The following CYP27C1 variants were observed in gnomAD, a reference collection of about 807,000 sequenced individuals.
CYP27C1 encodes the protein cytochrome P450 family 27 subfamily C member 1.
Under a neutral mutation model 40.6 loss-of-function variants are expected in CYP27C1, and 29 were observed. That is an observed-to-expected ratio of 0.71 (90% CI 0.53 to 0.97). The LOEUF (loss-of-function observed/expected upper bound fraction) is 0.97. CYP27C1 is among the 50% of genes least tolerant of loss of function. The pLI is 0.00. For missense variants in CYP27C1, 390 were observed against 485.8 expected, an observed-to-expected ratio of 0.80 and a Z score of 1.85; for synonymous variants, 198 against 186.8, an observed-to-expected ratio of 1.06 and a Z score of -0.49.
At position 127,196,897 on chromosome 2, in the gene CYP27C1, G is replaced by C. The variant is rs1161817228; in HGVS notation, c.1048-1396C>G. 1.3e-5 allele frequency among the ~76,000 whole-genome samples: 2 copies of C among 152,184 alleles called. No homozygotes were observed. Among genetic ancestry groups the C allele is most frequent in the Non-Finnish European group, 2.9e-5 (2 of 68,032 alleles). ...CATCAATGTTTAGAAAAATGTGGCA[G>C]TGGTTTCATAAATGATTCCATCTGT... On this transcript the variant is annotated intron_variant, in intron 5 of 8. Transcript: ENST00000664447. This position sits in a 1 kb window ranked among gnomAD's most constrained non-coding sequence, Gnocchi z 4.5.
At chr2:127,198,198 C>T (rs1260002301) in intron 5 of CYP27C1, among the ~76,000 whole-genome samples, 1 of 151,772 alleles carries the variant, frequency 6.6e-6, no homozygotes, top group Non-Finnish European at 1.5e-5. Context: ...CACACACACA[C>T]ACACACACAC....
chr2:127,200,877 C>T lies in CYP27C1; in HGVS notation c.883+245G>A, dbSNP rs1369387635. ...ACTCAGGAGGCTGAGGCATGATAAT[C>T]ACTTGAACCTAGGAGGCAGAGGTTG... is the stretch of plus-strand genomic sequence containing the variant. On this transcript the variant is annotated intron_variant, in intron 4 of 8. Transcript: ENST00000664447. This position sits in a 1 kb window ranked among gnomAD's most constrained non-coding sequence, Gnocchi z 4.2. 6.6e-6 allele frequency among the ~76,000 whole-genome samples: 1 copy of T among 151,982 alleles called. No individual in the cohort carries two copies. The highest frequency in any genetic ancestry group is 1.5e-5 in the Non-Finnish European group (1 of 68,014).
intron 2 of CYP27C1, among the ~76,000 whole-genome samples, 174 bp from the exon 3 acceptor site, chr2:127,203,745 G>T: frequency 6.6e-6 from 1 of 152,090 alleles, no homozygotes. Context: ...AATAACTGCA[G>T]CCCTGGAGCC....
Position 127,217,353 on chromosome 2 carries a change from C to T in CYP27C1, c.282+2636G>A, listed in dbSNP as rs558749251. On this transcript the variant is annotated intron_variant, in intron 1 of 8. Coordinates refer to ENST00000664447, the MANE Select transcript of CYP27C1 (RefSeq NM_001367502.1). ...CCAAAAAATGGAGAAATAAGTTTCACGTAAGACTTGAAACTGTGCCTGGCA... is the reference window on the plus strand; with the variant it reads ...CCAAAAAATGGAGAAATAAGTTTCATGTAAGACTTGAAACTGTGCCTGGCA... Among the ~76,000 whole-genome samples, 6 of 152,172 alleles carry T rather than the reference C, an allele frequency of 3.9e-5. No individual in the cohort carries two copies. The South Asian group carries it at 8.3e-4, about 21-fold the overall frequency.
intron 2 of CYP27C1, among the ~76,000 whole-genome samples, chr2:127,204,440 A>AAAAGAGAAAGAAAG (rs1683125248): frequency 2.4e-5 from 1 of 41,284 alleles, no homozygotes; most frequent in African/African-American, 7.7e-5. Flanking sequence ...GAAAGAAAGA[A>AAAAGAGAAAGAAAG]AAAGAAAGAA....
At chr2:127,194,252 G>A (rs2104678049) in intron 6 of CYP27C1, among the ~76,000 whole-genome samples, 1 of 152,234 alleles carries the variant, frequency 6.6e-6, no homozygotes, top group African/African-American at 2.4e-5. Context: ...AGATACTTCG[G>A]CGATCGGATT....
rs1358159352 is a variant in CYP27C1, at chr2:127,218,367, T to A, written c.282+1622A>T. Among the ~76,000 whole-genome samples the A allele has an allele frequency of 6.6e-6, 1 of 151,752 alleles. No homozygotes were observed. Among genetic ancestry groups the A allele is most frequent in the Non-Finnish European group, 1.5e-5 (1 of 67,968 alleles). ...CTGTATTGAACCCATCAACAGCAAA[T>A]AACAAAACACTTTTTACTGTATTTG... On this transcript the variant is annotated intron_variant, in intron 1 of 8. Transcript: ENST00000664447. This position sits in a 1 kb window ranked among gnomAD's most constrained non-coding sequence, Gnocchi z 6.0.
chr2:127,198,087 T>C (rs917389842), intron 5 of CYP27C1, among the ~76,000 whole-genome samples: 2 of 152,230 alleles, frequency 1.3e-5, no homozygotes, highest in South Asian at 2.1e-4. Context: ...CCCAGGTTAA[T>C]GGGCAGTGCT....
At position 127,186,551 on chromosome 2, in the gene CYP27C1, A is replaced by G. The variant is rs111701538; in HGVS notation, c.*720T>C. The G allele has an allele frequency of 0.043, 6,477 of 152,140 alleles. 143 individuals are homozygous for G. Among genetic ancestry groups the G allele is most frequent in the East Asian group, 0.064 (330 of 5,172 alleles). 9.4% of individuals were successfully genotyped at this position (152,140 alleles called of 1,614,324 possible). ...CGAGTAACTAGGACCATAGGTGTGCACCACCACGCCCGGCTAATTTTTGTA... is the reference window on the plus strand; with the variant it reads ...CGAGTAACTAGGACCATAGGTGTGCGCCACCACGCCCGGCTAATTTTTGTA... On this transcript the variant is annotated 3_prime_UTR_variant, in exon 9 of 9. Transcript: ENST00000664447. This position sits in a 1 kb window ranked among gnomAD's most constrained non-coding sequence, Gnocchi z 4.5.
chr2:127,199,511 C>T lies in CYP27C1; in HGVS notation c.912G>A (p.Arg304=). The T allele has an allele frequency of 6.2e-7, 1 of 1,613,798 alleles. No individual in the cohort carries two copies. The highest frequency in any genetic ancestry group is 2.2e-5 in the East Asian group (1 of 44,860). The change falls in exon 5 of 9, where the codon AGG becomes AGA. Residue 304 remains arginine, a synonymous_variant. Transcript: ENST00000664447. ...FSQIHVDNKL[R]DIQYQMDRGR... ...CTCGGTCCATTTGGTACTGTATGTCCCTCAACTTGTTGTCAACATGAATTT... is the reference window on the plus strand; with the variant it reads ...CTCGGTCCATTTGGTACTGTATGTCTCTCAACTTGTTGTCAACATGAATTT...
At chr2:127,216,716 C>T (rs528376775) in intron 1 of CYP27C1, among the ~76,000 whole-genome samples, 3 of 152,210 alleles carry the variant, frequency 2.0e-5, no homozygotes, top group South Asian at 4.2e-4. Context: ...AAAGAAATCA[C>T]AATAAATGTA....
In CYP27C1 at chr2:127,195,906, GC is replaced by G. The variant is rs943631636; in HGVS notation, c.1048-406del. On this transcript the variant is annotated intron_variant, in intron 5 of 8. Coordinates refer to ENST00000664447, the MANE Select transcript of CYP27C1 (RefSeq NM_001367502.1). This position sits in a 1 kb window ranked among gnomAD's most constrained non-coding sequence, Gnocchi z 6.2. ...TGTGTGCCAGAAAGGGCCTCAGGCT[GC>G]CCCCCGGCATCCCCAGGATGCTGGG... Among the ~76,000 whole-genome samples the G allele has an allele frequency of 3.9e-5, 6 of 152,208 alleles. No individual in the cohort carries two copies. The highest frequency in any genetic ancestry group is 3.9e-4 in the East Asian group (2 of 5,168).
chr2:127,203,041 G>T (rs1371656396), intron 3 of CYP27C1, among the ~76,000 whole-genome samples: 1 of 152,058 alleles, frequency 6.6e-6, no homozygotes, highest in African/African-American at 2.4e-5. Flanking sequence ...GGTGGCAGGT[G>T]CCTGTAATCC....
Position 127,193,830 on chromosome 2 carries a change from G to A in CYP27C1, c.1252C>T (p.Gln418Ter). 1.2e-6 allele frequency: 2 copies of A among 1,614,184 alleles called. No homozygotes were observed. Among genetic ancestry groups the A allele is most frequent in the South Asian group, 1.1e-5 (1 of 91,076 alleles). ...PVLPGNGRVT[Q>*]EDLVIGGYLI... is the part of the protein sequence containing the mutation. ...TACCCGCCAATAACCAGGTCTTCCTGGGTGACCCGGCCGTTCCCTGGCAGC... is the reference window on the plus strand; with the variant it reads ...TACCCGCCAATAACCAGGTCTTCCTAGGTGACCCGGCCGTTCCCTGGCAGC... The change falls in exon 7 of 9, where the codon CAG (glutamine) becomes TAG (stop). Residue 418 changes from glutamine (Q) to a stop codon, truncating the protein, a stop_gained. Transcript: ENST00000664447. LOFTEE classifies it high-confidence loss of function.
chr2:127,219,408 C>A lies in CYP27C1; in HGVS notation c.282+581G>T, dbSNP rs1683503296. On this transcript the variant is annotated intron_variant, in intron 1 of 8. Coordinates refer to ENST00000664447, the MANE Select transcript of CYP27C1 (RefSeq NM_001367502.1). The surrounding 1 kb of genome is among the most constrained non-coding windows in gnomAD (Gnocchi z 8.7). The stretch of plus-strand genomic sequence containing the variant: ...TCCCATTCCTGGTTTCCCTTCGCGG[C>A]GCCCCCTCCCCAGGTTCCCCAACCA... 6.6e-6 allele frequency among the ~76,000 whole-genome samples: 1 copy of A among 151,942 alleles called. No homozygotes were observed. The highest frequency in any genetic ancestry group is 1.5e-5 in the Non-Finnish European group (1 of 67,978).
chr2:127,216,207 T>C (rs146780232), intron 1 of CYP27C1, among the ~76,000 whole-genome samples: 1 of 152,236 alleles, frequency 6.6e-6, no homozygotes, highest in East Asian at 1.9e-4. Flanking sequence ...CCAAGAGAAA[T>C]GAAAACACAT....
intron 7 of CYP27C1, 103 bp downstream of exon 7, chr2:127,193,686 C>A: frequency 8.1e-7 from 1 of 1,238,950 alleles, no homozygotes. Context: ...AAAAGGAAAC[C>A]TATTGATCTC....
At chr2:127,217,327 C>T (rs1005809367) in intron 1 of CYP27C1, among the ~76,000 whole-genome samples, 2 of 152,126 alleles carry the variant, frequency 1.3e-5, no homozygotes, top group African/African-American at 4.8e-5. Context: ...AGTTTCCTCA[C>T]CCAAAAAATG....
rs1287019236 is a variant in CYP27C1 at position 127,218,970 on chromosome 2, G to C, written c.282+1019C>G. On this transcript the variant is annotated intron_variant, in intron 1 of 8. Coordinates refer to ENST00000664447, the MANE Select transcript of CYP27C1 (RefSeq NM_001367502.1). This position sits in a 1 kb window ranked among gnomAD's most constrained non-coding sequence, Gnocchi z 6.0. ...TCCAAGTGGGAAGCGTGCGGAATTC[G>C]CCGGCCCCAACGCCCTAGCGGGTGG... 6.6e-6 allele frequency among the ~76,000 whole-genome samples: 1 copy of C among 152,112 alleles called. No homozygotes were observed. The highest frequency in any genetic ancestry group is 1.5e-5 in the Non-Finnish European group (1 of 67,992).
Sources: allele counts gnomAD v4.1 joint callset (sites outside exome capture counted in the v4.1 genomes callset), GRCh38; gene constraint gnomAD v4.1.1; non-coding constraint Gnocchi (gnomAD v3.1); transcripts MANE v1.5; gene names NCBI Gene and HGNC (gene_info 2026-07-23, HGNC 2026-07-21).